PCSK6: variants seen among roughly 807,000 people sequenced by gnomAD.
The protein encoded by PCSK6 is proprotein convertase subtilisin/kexin type 6.
Under a neutral mutation model 123.3 loss-of-function variants are expected in PCSK6, and 85 were observed. The ratio of observed to expected loss-of-function variants is 0.69; its 90% CI spans 0.58 to 0.83. The LOEUF (loss-of-function observed/expected upper bound fraction) is 0.83, where lower values mean the gene tolerates loss of function less well. PCSK6 is among the 40% of genes least tolerant of loss of function. PCSK6 has a pLI of 0.00. For missense variants in PCSK6, 1,191 were observed against 1,282.3 expected (o/e 0.93, Z 1.09); for synonymous variants, 508 against 516.0 (o/e 0.98, Z 0.21).
intron 8 of PCSK6, among the ~76,000 whole-genome samples, chr15:101,391,341 A>G (rs1209661051): frequency 6.6e-6 from 1 of 152,222 alleles, no homozygotes; most frequent in Non-Finnish European, 1.5e-5. Context: ...GCTGGGCAGG[A>G]GGCCACGCTC....
intron 2 of PCSK6, among the ~76,000 whole-genome samples, chr15:101,443,154 C>A (rs1232032207): frequency 6.6e-6 from 1 of 152,170 alleles, no homozygotes; most frequent in African/African-American, 2.4e-5. Context: ...TCATGTGAAT[C>A]TTTGAGGAAA....
At chr15:101,364,248 C>G (rs927964503) in intron 13 of PCSK6, among the ~76,000 whole-genome samples, 2 of 152,176 alleles carry the variant, frequency 1.3e-5, no homozygotes, top group African/African-American at 4.8e-5. Context: ...ACAGTGAAAG[C>G]AAACCTTGAG....
At chr15:101,403,435 A>T (rs1026045640) in intron 6 of PCSK6, among the ~76,000 whole-genome samples, 2 of 147,932 alleles carry the variant, frequency 1.4e-5, no homozygotes, top group Non-Finnish European at 1.5e-5. Context: ...AATTAAAAAA[A>T]AAGAGAGAGA....
At chr15:101,312,759 G>A (rs1265953508) in intron 20 of PCSK6, among the ~76,000 whole-genome samples, 1 of 152,156 alleles carries the variant, frequency 6.6e-6, no homozygotes, top group African/African-American at 2.4e-5. Context: ...GTGAATCTGG[G>A]AGGCGGAGCT....
chr15:101,343,862 G>A (rs1286254994), intron 13 of PCSK6, among the ~76,000 whole-genome samples: 1 of 152,128 alleles, frequency 6.6e-6, no homozygotes, highest in African/African-American at 2.4e-5. Flanking sequence ...AGGCCAAGGC[G>A]GGCAGATCAC....
chr15:101,368,639 G>A (rs891068669), intron 12 of PCSK6, among the ~76,000 whole-genome samples: 8 of 152,262 alleles, frequency 5.3e-5, no homozygotes, highest in African/African-American at 9.6e-5. Flanking sequence ...CCCAGCTCTG[G>A]CTCTGAGTCA....
Position 101,384,355 on chromosome 15 carries a change from TC to T in PCSK6, c.1380del (p.Ser461AlafsTer5), listed in dbSNP as rs753144628. ...VKTSRPAHLKASDWKVNGAGH... is the reference protein window; with the variant it reads ...VKTSRPAHLKXSDWKVNGAGH... ...CCCGCGCCGTTCACTTTCCAGTCGC[TC>T]GCTTTCAGGTGGGCCGGCCGGGATG... is the stretch of plus-strand genomic sequence containing the variant. On this transcript the variant is annotated frameshift_variant, in exon 10 of 22. Coordinates refer to ENST00000611716, the MANE Select transcript of PCSK6 (RefSeq NM_002570.5). LOFTEE classifies it high-confidence loss of function. 4.3e-6 allele frequency: 7 copies of T among 1,613,806 alleles called. No individual in the cohort carries two copies. The highest frequency in any genetic ancestry group is 5.9e-6 in the Non-Finnish European group (7 of 1,179,806).
At chr15:101,357,722 C>T (rs990215085) in intron 13 of PCSK6, among the ~76,000 whole-genome samples, 6 of 152,208 alleles carry the variant, frequency 3.9e-5, no homozygotes, top group Admixed American at 3.3e-4. Context: ...ACGTTGGGTC[C>T]CGGGTCTTTG....
At position 101,403,301 on chromosome 15, in the gene PCSK6, T is replaced by C. The variant is rs368878446; in HGVS notation, c.824-4725A>G. Among the ~76,000 whole-genome samples the C allele has an allele frequency of 2.4e-3, 350 of 145,668 alleles. 3 individuals carry two copies. The East Asian group carries it at 0.033, about 14-fold the overall frequency. The stretch of plus-strand genomic sequence containing the variant: ...TGGGGGGAGGGGGGAGGGATAGCAT[T>C]AGGAGATATACCTAATGCTAAATGA... On this transcript the variant is annotated intron_variant, in intron 6 of 21. Coordinates refer to ENST00000611716, the MANE Select transcript of PCSK6 (RefSeq NM_002570.5).
At chr15:101,409,781 G>A (rs2042892139) in intron 6 of PCSK6, among the ~76,000 whole-genome samples, 1 of 152,138 alleles carries the variant, frequency 6.6e-6, no homozygotes, top group South Asian at 2.1e-4. Context: ...CTCCCTGAGA[G>A]AGCAGGTTCC....
chr15:101,481,948 C>G lies in PCSK6; in HGVS notation c.297+7426G>C, dbSNP rs555543084. Among the ~76,000 whole-genome samples, 10 of 152,340 alleles carry G rather than the reference C, an allele frequency of 6.6e-5. No homozygotes were observed. The East Asian group carries it at 1.9e-3, about 29-fold the overall frequency. On this transcript the variant is annotated intron_variant, in intron 1 of 21. Transcript: ENST00000611716. ...TGAGCAGGAGCCAGTACAGATTCCC[C>G]GAGACAGAGCCATGCTGGTGTGCAG...
intron 13 of PCSK6, among the ~76,000 whole-genome samples, chr15:101,341,500 G>T (rs12903993): frequency 0.19 from 28,361 of 152,040 alleles, 3,373 homozygotes; most frequent in Non-Finnish European, 0.27. Context: ...CACCTCAGGT[G>T]ATCTGGCCAC....
chr15:101,344,142 T>C (rs2040681624), intron 13 of PCSK6, among the ~76,000 whole-genome samples: 1 of 152,222 alleles, frequency 6.6e-6, no homozygotes, highest in Admixed American at 6.5e-5. Context: ...TGTTCCAATA[T>C]GTCCATTTGA....
At chr15:101,477,406 A>C (rs1478422342) in intron 1 of PCSK6, among the ~76,000 whole-genome samples, 1 of 152,244 alleles carries the variant, frequency 6.6e-6, no homozygotes, top group African/African-American at 2.4e-5. Context: ...AGTGAACATA[A>C]CACAAATATT....
chr15:101,423,799 T>A (rs2141095616), intron 6 of PCSK6, among the ~76,000 whole-genome samples: 1 of 152,150 alleles, frequency 6.6e-6, no homozygotes, highest in Non-Finnish European at 1.5e-5. Flanking sequence ...TTTTTCCAAA[T>A]TTTCTTTAAA....
At chr15:101,483,175 G>C (rs1351912070) in intron 1 of PCSK6, among the ~76,000 whole-genome samples, 1 of 152,192 alleles carries the variant, frequency 6.6e-6, no homozygotes, top group Non-Finnish European at 1.5e-5. Context: ...CTAGGTCACA[G>C]GTGACTGCTC....
At chr15:101,457,001 G>A (rs772986715) in intron 1 of PCSK6, among the ~76,000 whole-genome samples, 42 of 151,976 alleles carry the variant, frequency 2.8e-4, no homozygotes, top group African/African-American at 9.9e-4. Context: ...GTGAAACCCC[G>A]TCTCTACCAA....
intron 19 of PCSK6, among the ~76,000 whole-genome samples, chr15:101,317,329 A>G (rs1365318791): frequency 6.6e-6 from 1 of 152,188 alleles, no homozygotes; most frequent in Non-Finnish European, 1.5e-5. Context: ...AACCCAAAAC[A>G]TATCCGAGCC....
chr15:101,368,285 G>A lies in PCSK6; in HGVS notation c.1722-1953C>T, dbSNP rs982498836. Among the ~76,000 whole-genome samples the A allele has an allele frequency of 2.0e-5, 3 of 152,336 alleles. No homozygotes were observed. In the East Asian group the frequency reaches 5.8e-4, roughly 29 times the overall value. On this transcript the variant is annotated intron_variant, in intron 12 of 21. Transcript: ENST00000611716. The stretch of plus-strand genomic sequence containing the variant: ...AAGGGAAACAGGGCCCCAGGGGAGC[G>A]GGAGAGGGGAGGCTGGGGCAGCGGA...
Sources: allele counts gnomAD v4.1 joint callset (sites outside exome capture counted in the v4.1 genomes callset), GRCh38; gene constraint gnomAD v4.1.1; transcripts MANE v1.5; gene names NCBI Gene and HGNC (gene_info 2026-07-23, HGNC 2026-07-21).